The following TUBB3 variants were observed in gnomAD, a reference collection of about 807,000 sequenced individuals.
The protein encoded by TUBB3 is tubulin beta-3 chain.
A neutral mutation model predicts 37.8 loss-of-function variants in TUBB3; 17 were observed. That is an observed-to-expected ratio of 0.45 (90% CI 0.31 to 0.67). The LOEUF (loss-of-function observed/expected upper bound fraction) is 0.67, where lower values mean the gene tolerates loss of function less well. Ranked by LOEUF, TUBB3 falls within the 30% of genes least tolerant of loss-of-function variation. The pLI is 0.07. For synonymous variants in TUBB3, 332 were observed against 278.9 expected (o/e 1.19, Z -1.90); for missense variants, 262 against 657.9 (o/e 0.40, Z 6.58).
rs61743716 is a variant in TUBB3 at position 89,935,444 on chromosome 16, G to C, written c.993G>C (p.Leu331=). The change falls in exon 4 of 4, where the codon CTG becomes CTC. Residue 331 remains leucine, a synonymous_variant. Transcript: ENST00000315491. Reference sequence around the variant, plus strand: ...TGAAGGAGGTGGACGAGCAGATGCTGGCCATCCAGAGCAAGAACAGCAGCT... The same window carrying C: ...TGAAGGAGGTGGACGAGCAGATGCTCGCCATCCAGAGCAAGAACAGCAGCT... ...MSMKEVDEQM[L]AIQSKNSSYF... The C allele has an allele frequency of 1.2e-5, 19 of 1,614,112 alleles. No homozygotes were observed. The African/African-American group carries it at 2.4e-4, about 20-fold the overall frequency.
At chr16:89,928,681 C>T (rs1054680586) in intron 1 of TUBB3, among the ~76,000 whole-genome samples, 4 of 151,950 alleles carry the variant, frequency 2.6e-5, no homozygotes, top group Non-Finnish European at 4.4e-5. Flanking sequence ...CCCGCCACCG[C>T]GCCTGGCTAA....
chr16:89,926,427 C>G (rs547471012), intron 1 of TUBB3, among the ~76,000 whole-genome samples: 3 of 152,382 alleles, frequency 2.0e-5, no homozygotes, highest in Non-Finnish European at 4.4e-5. Context: ...TCATCGGGGA[C>G]CCCCGCTCCC....
At chr16:89,934,462 A>C (rs1202945610) in intron 3 of TUBB3, 22 of 618,284 alleles carry the variant, frequency 3.6e-5, no homozygotes, top group Non-Finnish European at 5.4e-5. Context: ...CCATTCACCC[A>C]GGATCCCCTC....
At chr16:89,923,306 C>T, upstream of TUBB3, 1 of 1,077,042 alleles carries the variant, frequency 9.3e-7, no homozygotes, top group Non-Finnish European at 1.2e-6. Context: ...AGGGCGGGGC[C>T]GCGGCTATAA....
At chr16:89,930,013 C>A (rs544361765) in intron 1 of TUBB3, among the ~76,000 whole-genome samples, 19 of 102,846 alleles carry the variant, frequency 1.8e-4, no homozygotes, top group African/African-American at 7.7e-4. Context: ...GCAGTTTTCT[C>A]CCCTTCCTTC....
intron 1 of TUBB3, among the ~76,000 whole-genome samples, chr16:89,928,979 T>A (rs2030187267): frequency 1.3e-5 from 2 of 149,212 alleles, no homozygotes; most frequent in Admixed American, 6.7e-5. Context: ...TTTTTTTTTT[T>A]AAGATAGGGT....
intron 1 of TUBB3, among the ~76,000 whole-genome samples, chr16:89,929,989 C>T (rs1018150101): frequency 7.2e-5 from 11 of 152,076 alleles, no homozygotes; most frequent in African/African-American, 2.2e-4. Flanking sequence ...CGTGAGCCAC[C>T]GTGCCTGGCA....
Position 89,927,869 on chromosome 16 carries a change from A to T in TUBB3, c.57+4411A>T, listed in dbSNP as rs150291871. On this transcript the variant is annotated intron_variant, in intron 1 of 3. Coordinates refer to ENST00000315491, the MANE Select transcript of TUBB3 (RefSeq NM_006086.4). ...TTCCCATAGATGTGTTACTCTCTCC[A>T]CCCCTCCTTTACAGGGGCTGGTGGT... 1.9e-4 allele frequency among the ~76,000 whole-genome samples: 29 copies of T among 152,076 alleles called. 1 individual carries two copies. The East Asian group carries it at 5.2e-3, about 27-fold the overall frequency.
chr16:89,923,547 G>T, intron 1 of TUBB3, 89 bp downstream of exon 1: 1 of 1,219,284 alleles, frequency 8.2e-7, no homozygotes, highest in Middle Eastern at 3.1e-4. Context: ...AGCTGCCCCC[G>T]CCCCTGCGAA....
rs1331185447 is a variant in TUBB3 at position 89,935,357 on chromosome 16, C to T, written c.906C>T (p.Ala302=). ...TCGATGCCAAGAACATGATGGCCGCCTGCGACCCGCGCCACGGCCGCTACC... is the reference window on the plus strand; with the variant it reads ...TCGATGCCAAGAACATGATGGCCGCTTGCGACCCGCGCCACGGCCGCTACC... ...QMFDAKNMMA[A]CDPRHGRYLT... Residue 302 remains alanine (A), a synonymous_variant, in exon 4 of 4, where the codon GCC becomes GCT. Coordinates refer to ENST00000315491, the MANE Select transcript of TUBB3 (RefSeq NM_006086.4). The T allele has an allele frequency of 1.2e-6, 2 of 1,613,924 alleles. No individual in the cohort carries two copies. The highest frequency in any genetic ancestry group is 2.2e-5 in the East Asian group (1 of 44,900).
rs200124238 is a variant in TUBB3 at position 89,933,240 on chromosome 16, A to G, written c.167-228A>G. On this transcript the variant is annotated intron_variant, in intron 2 of 3. Transcript: ENST00000315491. ...CCTGCATCTGGTGGACGTCTGACTG[A>G]ATCCTGCCTGTCCTGCTCCGTCCTG... is the stretch of plus-strand genomic sequence containing the variant. 5.8e-5 allele frequency: 40 copies of G among 695,616 alleles called. No individual in the cohort carries two copies. The East Asian group carries it at 1.1e-3, about 18-fold the overall frequency. The allele number at this position is 695,616 out of a possible 1,614,324, so 43.1% of individuals were successfully genotyped here.
intron 2 of TUBB3, 61 bp from the exon 3 acceptor site, chr16:89,933,407 G>C (rs1195896170): frequency 1.5e-6 from 2 of 1,340,690 alleles, no homozygotes; most frequent in Non-Finnish European, 2.1e-6. Context: ...AATTCAGAAA[G>C]AATGAGGGAG....
intron 1 of TUBB3, among the ~76,000 whole-genome samples, chr16:89,926,081 C>T (rs1484323447): frequency 6.6e-6 from 1 of 152,066 alleles, no homozygotes; most frequent in East Asian, 1.9e-4. Context: ...GCAGAAACAC[C>T]GGGGCCCGCG....
chr16:89,932,641 A>G lies in TUBB3; in HGVS notation c.128A>G (p.Gln43Arg), dbSNP rs1338930472. Residue 43 changes from glutamine to arginine, a missense_variant, in exon 2 of 4, where the codon CAG (glutamine) becomes CGG (arginine). Physicochemically the swap from Gln to Arg is conservative, Grantham distance 43 (BLOSUM62 1). Transcript: ENST00000315491. ...SGNYVGDSDL[Q>R]LERISVYYNE... ...AACTACGTGGGCGACTCGGACTTGCAGCTGGAGCGGATCAGCGTCTACTAC... is the reference window on the plus strand; with the variant it reads ...AACTACGTGGGCGACTCGGACTTGCGGCTGGAGCGGATCAGCGTCTACTAC... 1 of 1,613,984 alleles carries G rather than the reference A, an allele frequency of 6.2e-7. No homozygotes were observed. The highest frequency in any genetic ancestry group is 8.5e-7 in the Non-Finnish European group (1 of 1,180,028).
chr16:89,923,375 C>G lies in TUBB3; in HGVS notation c.-27C>G, dbSNP rs763288124. ...CCAGCCCGGCCCGCCCGCGCCCGTC[C>G]GCAGCCGCCCGCCAGACGCGCCCAG... On this transcript the variant is annotated 5_prime_UTR_variant, in exon 1 of 4. Coordinates refer to ENST00000315491, the MANE Select transcript of TUBB3 (RefSeq NM_006086.4). 2.6e-5 allele frequency: 38 copies of G among 1,454,862 alleles called. No homozygotes were observed. The highest frequency in any genetic ancestry group is 1.8e-6 in the Non-Finnish European group (2 of 1,099,566). The allele number at this position is 1,454,862 out of a possible 1,614,324, so 90.1% of individuals were successfully genotyped here. A position where few individuals can be genotyped will look rare whatever the true frequency, so the allele number is the denominator to read the frequency against.
chr16:89,923,705 C>T (rs550393147), intron 1 of TUBB3, among the ~76,000 whole-genome samples: 193 of 152,298 alleles, frequency 1.3e-3, no homozygotes, highest in South Asian at 8.5e-3. Flanking sequence ...AAGCCTCAGC[C>T]CCCTCCACAC....
chr16:89,931,090 G>C (rs1179232942), intron 1 of TUBB3, among the ~76,000 whole-genome samples: 1 of 152,022 alleles, frequency 6.6e-6, no homozygotes, highest in African/African-American at 2.4e-5. Context: ...GCCTCCCAAA[G>C]TGTTGGGATT....
At chr16:89,924,464 TC>T (rs372052072) in intron 1 of TUBB3, among the ~76,000 whole-genome samples, 13,449 of 112,738 alleles carry the variant, frequency 0.12, 852 homozygotes, top group African/African-American at 0.32. Flanking sequence ...GAACAGGGGA[TC>T]GGGGGGGGAG....
Position 89,933,737 on chromosome 16 carries a change from G to A in TUBB3, c.277+159G>A, listed in dbSNP as rs1479205593. 5.5e-6 allele frequency: 4 copies of A among 733,506 alleles called. No individual in the cohort carries two copies. The South Asian group carries it at 5.7e-5, about 10-fold the overall frequency. 45.4% of individuals were successfully genotyped at this position (733,506 alleles called of 1,614,324 possible). ...TCCATTTTACAGCTGGGCATTGGAG[G>A]CCCAGAGAAAGGGTTCTGTGGGGAG... On this transcript the variant is annotated intron_variant, in intron 3 of 3. Coordinates refer to ENST00000315491, the MANE Select transcript of TUBB3 (RefSeq NM_006086.4).
Sources: gnomAD v4.1 joint callset for allele counts (sites outside exome capture counted in the v4.1 genomes callset) on GRCh38, gnomAD v4.1.1 for gene constraint, MANE v1.5 for transcripts, NCBI Gene and HGNC (gene_info 2026-07-23, HGNC 2026-07-21) for gene names.